Variants in CAMK1G observed in about 807,000 individuals in gnomAD.
CAMK1G encodes the protein calcium/calmodulin dependent protein kinase IG, also known as calcium/calmodulin-dependent protein kinase type 1G.
A neutral mutation model predicts 54.8 loss-of-function variants in CAMK1G; 27 were observed. The ratio of observed to expected loss-of-function variants is 0.49; its 90% CI spans 0.36 to 0.68. CAMK1G has a LOEUF of 0.68. Among genes scored for constraint, CAMK1G ranks in the 30% least tolerant of loss-of-function variants. The pLI is 0.00. For synonymous variants in CAMK1G, 238 were observed against 224.9 expected (o/e 1.06, Z -0.52); for missense variants, 512 against 591.0 (o/e 0.87, Z 1.39).
chr1:209,587,776 A>G (rs951907148), intron 1 of CAMK1G, among the ~76,000 whole-genome samples: 3 of 152,116 alleles, frequency 2.0e-5, no homozygotes, highest in Non-Finnish European at 4.4e-5. Context: ...ATAAAGTCCA[A>G]TATGGACCAG....
chr1:209,609,231 A>T, intron 8 of CAMK1G, 139 bp downstream of exon 8: 2 of 977,924 alleles, frequency 2.0e-6, no homozygotes, highest in Non-Finnish European at 3.0e-6. Flanking sequence ...AGGAAAGTGG[A>T]GAAATCTTCG....
chr1:209,603,851 A>G (rs1224305019), intron 4 of CAMK1G, among the ~76,000 whole-genome samples: 1 of 152,212 alleles, frequency 6.6e-6, no homozygotes, highest in Admixed American at 6.5e-5. Flanking sequence ...AAAGTTAAAG[A>G]CAGGCTGTGA....
In CAMK1G at chr1:209,594,860, A is replaced by G. The variant is rs1460781477; in HGVS notation, c.-29-95A>G. The G allele has an allele frequency of 7.5e-6, 5 of 664,700 alleles. No individual in the cohort carries two copies. The East Asian group carries it at 8.5e-5, about 11-fold the overall frequency. The allele number at this position is 664,700 out of a possible 1,614,324, so 41.2% of individuals were successfully genotyped here. ...TAATCCTTCCTTCTGATAATTACAGAAAGATGTCAGTATTGCAGCCTGTTT... is the reference window on the plus strand; with the variant it reads ...TAATCCTTCCTTCTGATAATTACAGGAAGATGTCAGTATTGCAGCCTGTTT... On this transcript the variant is annotated intron_variant, in intron 1 of 12. Transcript: ENST00000361322.
chr1:209,604,102 C>T lies in CAMK1G; in HGVS notation c.296+814C>T, dbSNP rs114669907. On this transcript the variant is annotated intron_variant, in intron 4 of 12. Transcript: ENST00000361322. ...CTCACACACCACTCTGCAATCTCAG[C>T]GTGGCTGGACACAACGTGGTTTTTG... is the stretch of plus-strand genomic sequence containing the variant. Among the ~76,000 whole-genome samples the T allele has an allele frequency of 4.4e-3, 672 of 152,308 alleles. 8 individuals are homozygous for T. The highest frequency in any genetic ancestry group is 0.015 in the African/African-American group (632 of 41,570).
rs146774809 is a variant in CAMK1G at position 209,591,123 on chromosome 1, C to G, written c.-29-3832C>G. Among the ~76,000 whole-genome samples, 140 of 152,186 alleles carry G rather than the reference C, an allele frequency of 9.2e-4. 1 individual carries two copies. Among genetic ancestry groups the G allele is most frequent in the Middle Eastern group, 3.4e-3 (1 of 294 alleles). On this transcript the variant is annotated intron_variant, in intron 1 of 12. Coordinates refer to ENST00000361322, the MANE Select transcript of CAMK1G (RefSeq NM_020439.3). ...TCTATCTTCCTCAGAGAGATCTCCA[C>G]CAGTCAGGGTCCATTTGTCTCCACC...
chr1:209,609,381 G>A (rs2102395409), intron 8 of CAMK1G, among the ~76,000 whole-genome samples: 1 of 152,340 alleles, frequency 6.6e-6, no homozygotes, highest in South Asian at 2.1e-4. Flanking sequence ...CAGGTGGTGA[G>A]GGGAGAGTTC....
intron 7 of CAMK1G, 133 bp from the exon 8 acceptor site, chr1:209,608,847 G>A (rs546924106): frequency 3.6e-4 from 467 of 1,284,426 alleles, no homozygotes; most frequent in Admixed American, 6.3e-4. Context: ...GCAGATCTGC[G>A]TCCTGGTCAC....
rs1297089254 is a variant in CAMK1G at position 209,600,067 on chromosome 1, C to T, written c.177C>T (p.Ala59=). ...FALKCIKKSP[A]FRDSSLENEI... is the part of the protein sequence containing the mutation. ...TGAAGTGCATCAAGAAGTCACCTGC[C>T]TTCCGGGACAGCAGCCTGGAGAATG... The change falls in exon 3 of 13, where the codon GCC becomes GCT. Residue 59 remains alanine (A), a synonymous_variant. Transcript: ENST00000361322. The T allele has an allele frequency of 3.1e-6, 5 of 1,613,910 alleles. No individual in the cohort carries two copies. The African/African-American group carries it at 5.3e-5, about 17-fold the overall frequency.
rs1276442720 is a variant in CAMK1G, at chr1:209,611,993, T to C, written c.1117T>C (p.Leu373=). The C allele has an allele frequency of 1.2e-6, 2 of 1,614,118 alleles. No homozygotes were observed. The highest frequency in any genetic ancestry group is 1.7e-6 in the Non-Finnish European group (2 of 1,180,056). ...HSVALPALTQ[L]PCQHGRRPTA... ...TGTAGCACTCCCTGCCCTGACCCAATTACCCTGCCAGCATGGCCGCCGGCC... is the reference window on the plus strand; with the variant it reads ...TGTAGCACTCCCTGCCCTGACCCAACTACCCTGCCAGCATGGCCGCCGGCC... The change falls in exon 11 of 13, where the codon TTA becomes CTA. Residue 373 remains leucine (L), a synonymous_variant. Transcript: ENST00000361322.
chr1:209,601,902 G>C (rs1246363311), intron 3 of CAMK1G, among the ~76,000 whole-genome samples: 1 of 152,176 alleles, frequency 6.6e-6, no homozygotes, highest in Admixed American at 6.5e-5. Flanking sequence ...ACTGGAATAA[G>C]CCAGCTGAAG....
intron 8 of CAMK1G, 146 bp from the exon 9 acceptor site, chr1:209,609,705 T>C: frequency 1.3e-6 from 1 of 751,924 alleles, no homozygotes; most frequent in African/African-American, 1.8e-5. Flanking sequence ...GGTTTGGATT[T>C]TTTTTCCTCT....
At position 209,609,836 on chromosome 1, in the gene CAMK1G, G is replaced by C; in HGVS notation, c.749-15G>C. On this transcript the variant is annotated splice_polypyrimidine_tract_variant and intron_variant, in intron 8 of 12. Coordinates refer to ENST00000361322, the MANE Select transcript of CAMK1G (RefSeq NM_020439.3). The stretch of plus-strand genomic sequence containing the variant: ...TCTGGTCCTTAGTCGTCGTGTCTTT[G>C]ATTACTCCCCTTAGCCAAGGACTTT... 6.2e-7 allele frequency: 1 copy of C among 1,613,986 alleles called. No homozygotes were observed. Among genetic ancestry groups the C allele is most frequent in the Non-Finnish European group, 8.5e-7 (1 of 1,179,880 alleles).
chr1:209,610,000 T>A, intron 9 of CAMK1G, 71 bp downstream of exon 9: 1 of 1,227,444 alleles, frequency 8.1e-7, no homozygotes, highest in Middle Eastern at 1.9e-4. Context: ...CTCATTCATA[T>A]TGCATTTCCC....
intron 2 of CAMK1G, among the ~76,000 whole-genome samples, chr1:209,595,320 G>T (rs893606939): frequency 1.3e-5 from 2 of 152,170 alleles, no homozygotes; most frequent in African/African-American, 4.8e-5. Flanking sequence ...TACACGGGAG[G>T]CTGAGGCAGG....
rs148343981 is a variant in CAMK1G, at chr1:209,599,099, G to T, written c.93-884G>T. On this transcript the variant is annotated intron_variant, in intron 2 of 12. Coordinates refer to ENST00000361322, the MANE Select transcript of CAMK1G (RefSeq NM_020439.3). The stretch of plus-strand genomic sequence containing the variant: ...TCTTCACAAGGCGGCAGGAAGAAGT[G>T]CCAAGCAAAGGGGGAAGAGCCCCTT... 1.8e-3 allele frequency among the ~76,000 whole-genome samples: 271 copies of T among 152,310 alleles called. 6 individuals carry two copies. The East Asian group carries it at 0.044, about 25-fold the overall frequency.
At chr1:209,584,699 T>C (rs1239058282) in intron 1 of CAMK1G, among the ~76,000 whole-genome samples, 4 of 152,050 alleles carry the variant, frequency 2.6e-5, no homozygotes, top group Non-Finnish European at 5.9e-5. Context: ...GTCAGATAAA[T>C]TGATCATGAG....
intron 1 of CAMK1G, among the ~76,000 whole-genome samples, chr1:209,584,406 A>G (rs1386044257): frequency 6.6e-6 from 1 of 152,162 alleles, no homozygotes; most frequent in Admixed American, 6.5e-5. Flanking sequence ...AAGATGCAGA[A>G]CGCAGCCGAG....
At chr1:209,588,753 T>C (rs984535321) in intron 1 of CAMK1G, among the ~76,000 whole-genome samples, 1 of 152,130 alleles carries the variant, frequency 6.6e-6, no homozygotes, top group African/African-American at 2.4e-5. Flanking sequence ...CTTTACTAAA[T>C]GAAGCTGGAA....
intron 2 of CAMK1G, among the ~76,000 whole-genome samples, chr1:209,598,746 C>T (rs926626436): frequency 2.6e-5 from 4 of 152,190 alleles, no homozygotes; most frequent in African/African-American, 9.7e-5. Flanking sequence ...TTTCACTTTG[C>T]CTCTAAGTTT....
Sources: allele counts gnomAD v4.1 joint callset (sites outside exome capture counted in the v4.1 genomes callset), GRCh38; gene constraint gnomAD v4.1.1; transcripts MANE v1.5; gene names NCBI Gene and HGNC (gene_info 2026-07-23, HGNC 2026-07-21).